HS2ST1: variants seen among roughly 807,000 people sequenced by gnomAD.
HS2ST1 encodes 2-O-sulfotransferase.
A neutral mutation model predicts 42.9 loss-of-function variants in HS2ST1; 18 were observed. That is an observed-to-expected ratio of 0.42 (90% CI 0.29 to 0.62). HS2ST1 has a LOEUF of 0.62. HS2ST1 is among the 20% of genes least tolerant of loss of function. The pLI is 0.21. For missense variants in HS2ST1, 334 were observed against 433.8 expected (o/e 0.77, Z 2.04); for synonymous variants, 146 against 152.9 (o/e 0.95, Z 0.33).
intron 1 of HS2ST1, among the ~76,000 whole-genome samples, chr1:87,000,341 C>T (rs892514189): frequency 1.3e-5 from 2 of 152,122 alleles, no homozygotes; most frequent in Non-Finnish European, 1.5e-5. Flanking sequence ...AGATTATCAT[C>T]CCCTTATTTT....
chr1:87,074,015 A>T (rs544486791), intron 2 of HS2ST1, among the ~76,000 whole-genome samples: 3 of 152,332 alleles, frequency 2.0e-5, no homozygotes, highest in South Asian at 4.1e-4. Context: ...TACAGAATTG[A>T]CTGTCATCTC....
chr1:86,942,495 T>C (rs935297049), intron 1 of HS2ST1, among the ~76,000 whole-genome samples: 4 of 152,212 alleles, frequency 2.6e-5, no homozygotes, highest in African/African-American at 9.7e-5. Context: ...ATAAACATTT[T>C]TGAGAGGGTG....
At chr1:87,073,233 G>A in intron 2 of HS2ST1, 61 bp downstream of exon 2, 1 of 1,147,266 alleles carries the variant, frequency 8.7e-7, no homozygotes, top group Non-Finnish European at 1.3e-6. Flanking sequence ...AAATTTTCTA[G>A]CTCAAGGGGA....
chr1:87,078,801 C>T (rs1246198690), intron 2 of HS2ST1, among the ~76,000 whole-genome samples: 1 of 152,142 alleles, frequency 6.6e-6, no homozygotes, highest in African/African-American at 2.4e-5. Context: ...AGGTCTTAGG[C>T]AGCATGCCCA....
chr1:87,046,066 AC>A (rs1650652842), intron 1 of HS2ST1: 1 of 665,628 alleles, frequency 1.5e-6, no homozygotes, highest in African/African-American at 1.8e-5. Flanking sequence ...GCCTACCATG[AC>A]AGCATCATGA....
chr1:86,963,328 G>A (rs554701595), intron 1 of HS2ST1, among the ~76,000 whole-genome samples: 100 of 152,244 alleles, frequency 6.6e-4, no homozygotes, highest in African/African-American at 1.9e-3. Flanking sequence ...GTTTGTGTCC[G>A]TGGGTACTTG....
chr1:86,953,025 T>C (rs898251993), intron 1 of HS2ST1, among the ~76,000 whole-genome samples: 1 of 152,216 alleles, frequency 6.6e-6, no homozygotes, highest in African/African-American at 2.4e-5. Context: ...GGAAAATCTA[T>C]AGTTTATTGT....
chr1:86,995,327 T>C (rs1244510557), intron 1 of HS2ST1, among the ~76,000 whole-genome samples: 3 of 152,224 alleles, frequency 2.0e-5, no homozygotes, highest in Non-Finnish European at 2.9e-5. Context: ...TTAATTACCT[T>C]GGTGTTTAAG....
chr1:87,072,038 G>A (rs1264115031), intron 1 of HS2ST1, among the ~76,000 whole-genome samples: 1 of 151,960 alleles, frequency 6.6e-6, no homozygotes, highest in Non-Finnish European at 1.5e-5. Context: ...ATATTAGAAT[G>A]TATAGATATT....
intron 1 of HS2ST1, among the ~76,000 whole-genome samples, chr1:86,928,059 AGAAAC>A (rs1302192087): frequency 2.6e-5 from 4 of 152,108 alleles, no homozygotes; most frequent in Admixed American, 6.5e-5. Context: ...AATCTTTAGA[AGAAAC>A]TAACTGCGCA....
chr1:86,995,614 A>G (rs72953469), intron 1 of HS2ST1, among the ~76,000 whole-genome samples: 3,579 of 152,186 alleles, frequency 0.024, 70 homozygotes, highest in African/African-American at 0.049. Flanking sequence ...TTTGTGGGGT[A>G]GGTGAGGAGA....
intron 1 of HS2ST1, among the ~76,000 whole-genome samples, chr1:86,992,084 G>T: frequency 6.6e-6 from 1 of 151,834 alleles, no homozygotes; most frequent in East Asian, 1.9e-4. Flanking sequence ...TGTGAACTGC[G>T]CATCTAAGGG....
intron 1 of HS2ST1, among the ~76,000 whole-genome samples, chr1:86,939,552 C>T (rs542775310): frequency 1.3e-5 from 2 of 152,262 alleles, no homozygotes; most frequent in East Asian, 1.9e-4. Flanking sequence ...TAGTGGTTTT[C>T]GCTCTTGGCT....
intron 1 of HS2ST1, among the ~76,000 whole-genome samples, chr1:87,057,056 T>A (rs937049526): frequency 1.3e-5 from 2 of 152,210 alleles, no homozygotes; most frequent in African/African-American, 4.8e-5. Flanking sequence ...GAAGCAGATA[T>A]GAAAATCCAG....
chr1:87,099,937 TCTC>T (rs1448007492), intron 5 of HS2ST1, among the ~76,000 whole-genome samples: 1 of 152,180 alleles, frequency 6.6e-6, no homozygotes, highest in East Asian at 1.9e-4. Context: ...CTTGACTTCA[TCTC>T]CTGCATCCTG....
chr1:87,017,802 G>T (rs113688880), intron 1 of HS2ST1, among the ~76,000 whole-genome samples: 16,980 of 151,452 alleles, frequency 0.11, 1,029 homozygotes, highest in African/African-American at 0.14. Context: ...TTTTATTTTT[G>T]ATTTTTGATA....
At chr1:86,939,615 C>A (rs976279789) in intron 1 of HS2ST1, among the ~76,000 whole-genome samples, 1 of 152,178 alleles carries the variant, frequency 6.6e-6, no homozygotes, top group Non-Finnish European at 1.5e-5. Flanking sequence ...ATGTGTCCCA[C>A]CCTTGGAAGA....
At chr1:86,953,602 A>C (rs928378449) in intron 1 of HS2ST1, among the ~76,000 whole-genome samples, 2 of 152,028 alleles carry the variant, frequency 1.3e-5, no homozygotes, top group African/African-American at 4.8e-5. Context: ...TCTACTAAAA[A>C]TACAAAAATT....
intron 1 of HS2ST1, among the ~76,000 whole-genome samples, chr1:86,998,567 A>G (rs72953474): frequency 0.024 from 3,591 of 152,266 alleles, 76 homozygotes; most frequent in African/African-American, 0.049. Context: ...CTCTTAGTGG[A>G]ATTATTCATG....
Sources: gnomAD v4.1 joint callset for allele counts (sites outside exome capture counted in the v4.1 genomes callset) on GRCh38, gnomAD v4.1.1 for gene constraint, MANE v1.5 for transcripts, NCBI Gene and HGNC (gene_info 2026-07-23, HGNC 2026-07-21) for gene names.